DLC1: variants seen among roughly 807,000 people sequenced by gnomAD.
DLC1 encodes the protein rho GTPase-activating protein 7.
In DLC1, 54 loss-of-function variants were observed where a neutral mutation model predicts 140.3. The ratio of observed to expected loss-of-function variants is 0.38; its 90% CI spans 0.31 to 0.48. The LOEUF is 0.48. DLC1 is among the 20% of genes least tolerant of loss of function. The pLI is 0.96. For missense variants in DLC1, 2,536 were observed against 1,907.0 expected (o/e 1.33, Z -6.14); for synonymous variants, 986 against 728.1 (o/e 1.35, Z -5.70).
chr8:13,550,200 C>T (rs576780855), intron 1 of DLC1, among the ~76,000 whole-genome samples: 5 of 152,176 alleles, frequency 3.3e-5, no homozygotes, highest in East Asian at 1.9e-4. Flanking sequence ...TTCCCCCATG[C>T]TGTGCTTGTG....
At chr8:13,510,838 C>T (rs772057551) in intron 1 of DLC1, among the ~76,000 whole-genome samples, 1 of 152,100 alleles carries the variant, frequency 6.6e-6, no homozygotes, top group Non-Finnish European at 1.5e-5. Flanking sequence ...TAACCTCTGG[C>T]CCCAGGCTCT....
At chr8:13,575,535 C>G (rs1804808791) in intron 1 of DLC1, among the ~76,000 whole-genome samples, 1 of 152,070 alleles carries the variant, frequency 6.6e-6, no homozygotes, top group Admixed American at 6.5e-5. Flanking sequence ...TTCTTATCAG[C>G]TAGCACAGAT....
At chr8:13,419,455 G>T (rs186973897) in intron 2 of DLC1, among the ~76,000 whole-genome samples, 193 of 152,256 alleles carry the variant, frequency 1.3e-3, no homozygotes, top group Non-Finnish European at 2.3e-3. Context: ...GGCCTTTTCT[G>T]CATATGTTGA....
intron 5 of DLC1, among the ~76,000 whole-genome samples, chr8:13,274,045 C>T (rs1357926612): frequency 1.3e-5 from 2 of 152,140 alleles, no homozygotes; most frequent in African/African-American, 4.8e-5. Flanking sequence ...TTTCTACTGC[C>T]CTCCATTCTG....
chr8:13,136,264 C>T (rs992580656), intron 5 of DLC1, among the ~76,000 whole-genome samples: 4 of 152,090 alleles, frequency 2.6e-5, no homozygotes, highest in African/African-American at 4.8e-5. Flanking sequence ...GTTTGGGGTA[C>T]GATTGGTTCA....
At chr8:13,598,119 T>C (rs565261503) in intron 1 of DLC1, among the ~76,000 whole-genome samples, 2 of 152,228 alleles carry the variant, frequency 1.3e-5, no homozygotes, top group African/African-American at 4.8e-5. Flanking sequence ...AGATTTTGAA[T>C]TAATAGTACA....
At chr8:13,133,005 G>A (rs1469721127) in intron 5 of DLC1, 1 of 1,607,340 alleles carries the variant, frequency 6.2e-7, no homozygotes, top group Non-Finnish European at 8.5e-7. Context: ...GGCGGCGGAA[G>A]CGCTGTGGGG....
intron 5 of DLC1, among the ~76,000 whole-genome samples, chr8:13,247,647 G>A (rs113735814): frequency 1.1e-4 from 17 of 152,258 alleles, no homozygotes; most frequent in Non-Finnish European, 1.8e-4. Context: ...CTCAATTGTC[G>A]CATGATACCG....
At chr8:13,434,697 G>A (rs1839037272) in intron 2 of DLC1, among the ~76,000 whole-genome samples, 4 of 152,032 alleles carry the variant, frequency 2.6e-5, no homozygotes, top group Admixed American at 2.6e-4. Context: ...AGTATTTTTC[G>A]AGACAGGGTC....
chr8:13,591,461 A>G (rs1249159768), intron 1 of DLC1, among the ~76,000 whole-genome samples: 1 of 152,080 alleles, frequency 6.6e-6, no homozygotes, highest in Non-Finnish European at 1.5e-5. Context: ...CCTTGTGAAG[A>G]AGAACATGTT....
intron 5 of DLC1, among the ~76,000 whole-genome samples, chr8:13,248,950 C>G (rs766829485): frequency 2.0e-5 from 3 of 152,176 alleles, no homozygotes; most frequent in African/African-American, 4.8e-5. Context: ...ACTCCCAAAC[C>G]TCAGAGGGGC....
At chr8:13,296,114 C>G (rs1468773866) in intron 5 of DLC1, among the ~76,000 whole-genome samples, 1 of 151,560 alleles carries the variant, frequency 6.6e-6, no homozygotes, top group Non-Finnish European at 1.5e-5. Flanking sequence ...CACCACCACG[C>G]CCAGCTAATT....
At chr8:13,257,536 C>G (rs1395592933) in intron 5 of DLC1, among the ~76,000 whole-genome samples, 2 of 151,022 alleles carry the variant, frequency 1.3e-5, no homozygotes, top group African/African-American at 4.9e-5. Context: ...CCAATATAAT[C>G]TATTTTATAC....
chr8:13,291,881 C>T (rs182781885), intron 5 of DLC1, among the ~76,000 whole-genome samples: 6 of 152,094 alleles, frequency 3.9e-5, no homozygotes, highest in East Asian at 1.9e-4. Context: ...CTACCATAGA[C>T]GAAGCAAAGG....
At chr8:13,266,637 C>T (rs1189267679) in intron 5 of DLC1, among the ~76,000 whole-genome samples, 2 of 151,878 alleles carry the variant, frequency 1.3e-5, no homozygotes, top group African/African-American at 2.4e-5. Context: ...CCCAGCTACT[C>T]GGGAGGCTGA....
Position 13,252,342 on chromosome 8 carries a change from G to C in DLC1, c.1348+52927C>G, listed in dbSNP as rs555343515. Among the ~76,000 whole-genome samples the C allele has an allele frequency of 2.0e-5, 3 of 152,236 alleles. No homozygotes were observed. The South Asian group carries it at 6.2e-4, about 32-fold the overall frequency. Reference sequence around the variant, plus strand: ...CAGCATTAGATATAACTGCGACAAAGGGCCACTCACGTTTAGGCTTCAGAA... The same window carrying C: ...CAGCATTAGATATAACTGCGACAAACGGCCACTCACGTTTAGGCTTCAGAA... On this transcript the variant is annotated intron_variant, in intron 5 of 17. Transcript: ENST00000276297.
intron 5 of DLC1, among the ~76,000 whole-genome samples, chr8:13,253,643 A>C (rs553874359): frequency 6.6e-6 from 1 of 152,356 alleles, no homozygotes; most frequent in Non-Finnish European, 1.5e-5. Flanking sequence ...GTTTTAACCG[A>C]AAATAGCAAT....
intron 5 of DLC1, among the ~76,000 whole-genome samples, chr8:13,135,465 G>C (rs2083210871): frequency 6.6e-6 from 1 of 152,128 alleles, no homozygotes; most frequent in African/African-American, 2.4e-5. Flanking sequence ...ACAGGCGTGA[G>C]CCACCGCGCC....
intron 4 of DLC1, among the ~76,000 whole-genome samples, chr8:13,320,233 C>G (rs58700178): frequency 0.015 from 2,330 of 152,210 alleles, 58 homozygotes; most frequent in African/African-American, 0.053. Flanking sequence ...GAATAAAATG[C>G]TGCTTTATTA....
Sources: gnomAD v4.1 joint callset for allele counts (sites outside exome capture counted in the v4.1 genomes callset) on GRCh38, gnomAD v4.1.1 for gene constraint, MANE v1.5 for transcripts, NCBI Gene and HGNC (gene_info 2026-07-23, HGNC 2026-07-21) for gene names.